The following CTNNA3 variants were observed in gnomAD, a reference collection of about 807,000 sequenced individuals.
CTNNA3 encodes the protein catenin alpha 3.
A neutral mutation model predicts 95.7 loss-of-function variants in CTNNA3; 76 were observed. That is an observed-to-expected ratio of 0.79 (90% confidence interval 0.66 to 0.96). The LOEUF is 0.96. Among genes scored for constraint, CTNNA3 ranks in the 40% least tolerant of loss-of-function variants. CTNNA3 has a pLI of 0.00. For synonymous variants in CTNNA3, 431 were observed against 374.4 expected (o/e 1.15, Z -1.74); for missense variants, 1,191 against 1,089.8 (o/e 1.09, Z -1.31).
intron 15 of CTNNA3, among the ~76,000 whole-genome samples, chr10:66,019,314 T>C (rs2079153876): frequency 6.6e-6 from 1 of 152,196 alleles, no homozygotes; most frequent in African/African-American, 2.4e-5. Flanking sequence ...AGTATTTACA[T>C]AGAAGATTCA....
chr10:67,651,319 CA>C (rs1279795560), intron 1 of CTNNA3, among the ~76,000 whole-genome samples: 1 of 152,122 alleles, frequency 6.6e-6, no homozygotes, highest in African/African-American at 2.4e-5. Context: ...AGTCTCTCAT[CA>C]CATCTTTAAA....
chr10:67,424,067 C>CA (rs1280610259), intron 5 of CTNNA3, among the ~76,000 whole-genome samples: 3 of 152,112 alleles, frequency 2.0e-5, no homozygotes, highest in Non-Finnish European at 4.4e-5. Context: ...AAATGTGGGT[C>CA]AAATGTCAAT....
chr10:67,180,587 T>C, intron 6 of CTNNA3, 67 bp from the exon 7 acceptor site: 1 of 1,341,290 alleles, frequency 7.5e-7, no homozygotes, highest in Non-Finnish European at 1.1e-6. Flanking sequence ...AAACAAATGT[T>C]ATTTTGTTTT....
At position 66,113,092 on chromosome 10, in the gene CTNNA3, G is replaced by C. The variant is rs2082180086; in HGVS notation, c.1885-9843C>G. Among the ~76,000 whole-genome samples, 3 of 152,112 alleles carry C rather than the reference G, an allele frequency of 2.0e-5. No individual in the cohort carries two copies. In the South Asian group the frequency reaches 6.2e-4, roughly 31 times the overall value. Reference sequence around the variant, plus strand: ...ACCATTCTACATTCCCACCAACAGAGTACTAGGGCTCCAATTTCTTCATAT... The same window carrying C: ...ACCATTCTACATTCCCACCAACAGACTACTAGGGCTCCAATTTCTTCATAT... On this transcript the variant is annotated intron_variant, in intron 13 of 17. Transcript: ENST00000433211.
In CTNNA3 at chr10:66,523,409, ACT is replaced by A. The variant is rs570146726; in HGVS notation, c.1375-2638_1375-2637del. Among the ~76,000 whole-genome samples the A allele has an allele frequency of 2.6e-4, 39 of 152,174 alleles. No individual in the cohort carries two copies. The East Asian group carries it at 7.2e-3, about 28-fold the overall frequency. On this transcript the variant is annotated intron_variant, in intron 10 of 17. Coordinates refer to ENST00000433211, the MANE Select transcript of CTNNA3 (RefSeq NM_013266.4). The stretch of plus-strand genomic sequence containing the variant: ...CTATGAAGAAGCTTTATCCTACTTG[ACT>A]CTTGTGATATTTAGCTTAAATCTAA...
intron 9 of CTNNA3, among the ~76,000 whole-genome samples, chr10:66,762,522 A>G (rs1454875166): frequency 6.6e-6 from 1 of 151,888 alleles, no homozygotes; most frequent in African/African-American, 2.4e-5. Flanking sequence ...ATCATTTTAT[A>G]GTAAACTACA....
intron 10 of CTNNA3, among the ~76,000 whole-genome samples, chr10:66,616,169 C>T (rs1002555299): frequency 6.6e-6 from 1 of 151,964 alleles, no homozygotes; most frequent in African/African-American, 2.4e-5. Context: ...GATTGGGTTT[C>T]AAAAGGCTTC....
intron 9 of CTNNA3, among the ~76,000 whole-genome samples, chr10:66,679,486 T>C (rs1351177996): frequency 1.3e-5 from 2 of 152,148 alleles, no homozygotes; most frequent in African/African-American, 4.8e-5. Flanking sequence ...GAGTCTGTAG[T>C]TAGAAGTTGG....
At position 67,133,909 on chromosome 10, in the gene CTNNA3, A is replaced by G. The variant is rs566668118; in HGVS notation, c.1047+46408T>C. On this transcript the variant is annotated intron_variant, in intron 7 of 17. Coordinates refer to ENST00000433211, the MANE Select transcript of CTNNA3 (RefSeq NM_013266.4). Reference sequence around the variant, plus strand: ...ATATTGCCCAGACCGGTCTCAAACTACTGGACTCAAGTGATACTCTTGCCT... The same window carrying G: ...ATATTGCCCAGACCGGTCTCAAACTGCTGGACTCAAGTGATACTCTTGCCT... Among the ~76,000 whole-genome samples the G allele has an allele frequency of 2.0e-5, 3 of 152,166 alleles. No homozygotes were observed. The South Asian group carries it at 6.2e-4, about 32-fold the overall frequency.
chr10:66,766,495 G>A, intron 8 of CTNNA3, 79 bp from the exon 9 acceptor site: 2 of 1,237,352 alleles, frequency 1.6e-6, no homozygotes, highest in Non-Finnish European at 2.2e-6. Flanking sequence ...AATCTCAGTA[G>A]TTACACAACT....
intron 7 of CTNNA3, among the ~76,000 whole-genome samples, chr10:67,053,838 A>G (rs1287609715): frequency 6.6e-6 from 1 of 152,174 alleles, no homozygotes; most frequent in African/African-American, 2.4e-5. Flanking sequence ...AAATCCGAGG[A>G]CCACAGATGT....
At chr10:67,376,553 G>T (rs1843696118) in intron 5 of CTNNA3, among the ~76,000 whole-genome samples, 1 of 152,186 alleles carries the variant, frequency 6.6e-6, no homozygotes, top group South Asian at 2.1e-4. Context: ...AATTCATATA[G>T]CTCACCGATG....
At chr10:66,469,681 G>T (rs976060222) in intron 11 of CTNNA3, among the ~76,000 whole-genome samples, 3 of 151,908 alleles carry the variant, frequency 2.0e-5, no homozygotes, top group Non-Finnish European at 4.4e-5. Context: ...AAAAATGGAT[G>T]TAGGTGCACC....
intron 9 of CTNNA3, among the ~76,000 whole-genome samples, chr10:66,660,964 T>C (rs1846241733): frequency 6.6e-6 from 1 of 152,154 alleles, no homozygotes; most frequent in Non-Finnish European, 1.5e-5. Flanking sequence ...ATTGGTTAAG[T>C]GAATTAATGA....
intron 7 of CTNNA3, among the ~76,000 whole-genome samples, chr10:66,938,375 T>C (rs1459640534): frequency 6.6e-6 from 1 of 152,134 alleles, no homozygotes; most frequent in Non-Finnish European, 1.5e-5. Context: ...ACTGATAATA[T>C]AAAGAGTCAA....
intron 16 of CTNNA3, among the ~76,000 whole-genome samples, chr10:65,984,586 T>A (rs556231720): frequency 6.7e-6 from 1 of 149,476 alleles, no homozygotes; most frequent in South Asian, 2.1e-4. Context: ...CCCATACCAT[T>A]TGAATAATGC....
chr10:67,535,390 T>C (rs1230714766), intron 4 of CTNNA3, among the ~76,000 whole-genome samples: 1 of 152,054 alleles, frequency 6.6e-6, no homozygotes, highest in Admixed American at 6.6e-5. Flanking sequence ...CAAAGGATGA[T>C]GGACTGTAAC....
At chr10:66,317,338 T>C (rs1224840853) in intron 12 of CTNNA3, among the ~76,000 whole-genome samples, 1 of 152,034 alleles carries the variant, frequency 6.6e-6, no homozygotes, top group Non-Finnish European at 1.5e-5. Flanking sequence ...CCTCATTTAT[T>C]TGGGTTTGTT....
intron 3 of CTNNA3, among the ~76,000 whole-genome samples, chr10:67,560,337 A>G (rs1280081240): frequency 6.6e-6 from 1 of 151,756 alleles, no homozygotes; most frequent in East Asian, 1.9e-4. Flanking sequence ...AATATTCAAC[A>G]TTCTTAAAGA....
Sources: allele counts gnomAD v4.1 joint callset (sites outside exome capture counted in the v4.1 genomes callset), GRCh38; gene constraint gnomAD v4.1.1; transcripts MANE v1.5; gene names NCBI Gene and HGNC (gene_info 2026-07-23, HGNC 2026-07-21).